Variants in MCF2 observed in about 807,000 individuals in gnomAD.
MCF2 encodes the protein MCF.2 cell line derived transforming sequence, also known as proto-oncogene DBL.
Under a neutral mutation model 82.5 loss-of-function variants are expected in MCF2, and 44 were observed. The ratio of observed to expected loss-of-function variants is 0.53; its 90% confidence interval spans 0.42 to 0.69. The LOEUF (loss-of-function observed/expected upper bound fraction) is 0.69, where lower values mean the gene tolerates loss of function less well. Among genes scored for constraint, MCF2 ranks in the 30% least tolerant of loss-of-function variants. The probability of loss-of-function intolerance (pLI) is 0.00; values close to 1 mark genes in which losing one functional copy is unlikely to be tolerated. For synonymous variants in MCF2, 217 were observed against 224.9 expected, an observed-to-expected ratio of 0.96 and a Z score of 0.32; for missense variants, 623 against 663.1, an observed-to-expected ratio of 0.94 and a Z score of 0.66.
At chrX:139,633,647 G>A (rs1267720490) in intron 1 of MCF2, among the ~76,000 whole-genome samples, 9 of 110,955 alleles carry the variant, frequency 8.1e-5, no homozygotes, top group Non-Finnish European at 1.5e-4. Flanking sequence ...CATCAGAAAG[G>A]ATCATGGGTT....
chrX:139,598,660 A>G (rs17002168), intron 16 of MCF2, among the ~76,000 whole-genome samples, 162 bp from the exon 21 acceptor site: 1,825 of 112,043 alleles, frequency 0.016, 32 homozygotes, highest in African/African-American at 0.056. Context: ...AAGACACAAT[A>G]TATCTGAAAA....
chrX:139,695,722 C>A (rs754061047), intron 1 of MCF2, among the ~76,000 whole-genome samples: 2 of 112,065 alleles, frequency 1.8e-5, no homozygotes, highest in Admixed American at 1.9e-4. Flanking sequence ...TTCATCCTAC[C>A]TTTCTCAAGC....
chrX:139,607,228 C>T (rs1931104006), intron 12 of MCF2: 1 of 110,831 alleles, frequency 9.0e-6, no homozygotes, highest in Non-Finnish European at 1.9e-5. Context: ...AATATATACA[C>T]ATATCAAAGC....
chrX:139,641,411 T>C (rs1296483414), intron 1 of MCF2, among the ~76,000 whole-genome samples: 1 of 110,771 alleles, frequency 9.0e-6, no homozygotes, highest in Non-Finnish European at 1.9e-5. Context: ...AAGCCAACTA[T>C]AGTTTTTAAA....
chrX:139,619,831 T>C, intron 6 of MCF2, 125 bp from the exon 10 acceptor site: 1 of 471,066 alleles, frequency 2.1e-6, no homozygotes, highest in Non-Finnish European at 3.4e-6. Flanking sequence ...AAAATTTGGT[T>C]ATTTTATTCA....
chrX:139,706,872 A>G (rs901455171), intron 1 of MCF2, among the ~76,000 whole-genome samples: 12 of 110,151 alleles, frequency 1.1e-4, no homozygotes, highest in Non-Finnish European at 2.3e-4. Flanking sequence ...AGGTTGTCTA[A>G]GATATTTTCA....
intron 1 of MCF2, among the ~76,000 whole-genome samples, chrX:139,683,507 C>T (rs764353691): frequency 2.7e-5 from 3 of 111,834 alleles, no homozygotes; most frequent in Non-Finnish European, 5.6e-5. Flanking sequence ...TATGGATACG[C>T]AAGGGACCTG....
intron 4 of MCF2, among the ~76,000 whole-genome samples, chrX:139,627,118 G>A (rs1056678400): frequency 9.0e-6 from 1 of 111,528 alleles, no homozygotes; most frequent in African/African-American, 3.3e-5. Flanking sequence ...CTTTTTTAGA[G>A]ATGGGATCTT....
Position 139,599,505 on chromosome X carries a change from G to A in MCF2, c.1837-1007C>T, listed in dbSNP as rs113611113. 4.5e-3 allele frequency among the ~76,000 whole-genome samples: 498 copies of A among 110,317 alleles called. 5 individuals are homozygous for A. The highest frequency in any genetic ancestry group is 0.016 in the African/African-American group (474 of 30,408). On this transcript the variant is annotated intron_variant, in intron 16 of 24. Coordinates refer to ENST00000370576, the Ensembl canonical transcript of MCF2. ...TCAAGTTGGTGGAGGAAAAAGCCAA[G>A]GAACAACTCAATTTATGTTATAAAC...
chrX:139,683,982 G>A (rs1395674148), intron 1 of MCF2, among the ~76,000 whole-genome samples: 2 of 112,332 alleles, frequency 1.8e-5, no homozygotes, highest in Admixed American at 9.4e-5. Context: ...AGATACATTC[G>A]ACCTTCTCAA....
At chrX:139,609,548 CAA>C (rs1242518397) in intron 11 of MCF2, among the ~76,000 whole-genome samples, 3 of 95,647 alleles carry the variant, frequency 3.1e-5, no homozygotes, top group African/African-American at 7.7e-5. Context: ...GACCCTGTCT[CAA>C]AAAAAAAAAG....
chrX:139,611,507 C>T (rs192368759), intron 10 of MCF2, among the ~76,000 whole-genome samples: 14 of 111,844 alleles, frequency 1.3e-4, no homozygotes, highest in Admixed American at 7.6e-4. Flanking sequence ...TTTGCAAATA[C>T]GTTAAGAGAT....
chrX:139,673,284 T>A (rs1029572290), intron 1 of MCF2, among the ~76,000 whole-genome samples: 8 of 111,972 alleles, frequency 7.1e-5, no homozygotes, highest in Non-Finnish European at 1.3e-4. Context: ...TTCATTGATT[T>A]TTTTGAAGGG....
rs147389587 is a variant in MCF2, at chrX:139,601,478, C to T, written c.1836+928G>A. 5.6e-3 allele frequency among the ~76,000 whole-genome samples: 623 copies of T among 111,503 alleles called. 4 individuals are homozygous for T. Among genetic ancestry groups the T allele is most frequent in the African/African-American group, 0.019 (569 of 30,749 alleles). ...AAATTCTGAGTATAATTATTTCTTA[C>T]CTAGAATTCTATACACAGCCAAACT... is the stretch of plus-strand genomic sequence containing the variant. On this transcript the variant is annotated intron_variant, in intron 16 of 24. Transcript: ENST00000370576.
intron 1 of MCF2, among the ~76,000 whole-genome samples, chrX:139,694,523 G>T (rs181724034): frequency 9.0e-6 from 1 of 110,730 alleles, no homozygotes; most frequent in Admixed American, 9.6e-5. Context: ...CAATAGAATA[G>T]AACTGTGAAT....
chrX:139,686,444 C>T (rs777963568), intron 1 of MCF2, among the ~76,000 whole-genome samples: 2 of 110,141 alleles, frequency 1.8e-5, no homozygotes, highest in South Asian at 4.0e-4. Context: ...ATCATTTGAG[C>T]GTGGGAGGCG....
chrX:139,648,432 C>T (rs1326768444), intron 2 of MCF2, among the ~76,000 whole-genome samples: 1 of 109,736 alleles, frequency 9.1e-6, no homozygotes, highest in Non-Finnish European at 1.9e-5. Context: ...CACAACAATA[C>T]TCAACGCAAA....
At position 139,619,607 on chromosome X, in the gene MCF2, T is replaced by C. The variant is rs765331695; in HGVS notation, c.787A>G (p.Asn263Asp). The C allele has an allele frequency of 8.7e-6, 10 of 1,150,085 alleles. No individual in the cohort carries two copies. The East Asian group carries it at 2.7e-4, about 31-fold the overall frequency. The allele number at this position is 1,150,085 out of a possible 1,213,427, so 94.8% of individuals were successfully genotyped here. A position where few individuals can be genotyped will look rare whatever the true frequency, so the allele number is the denominator to read the frequency against. The change falls in exon 7 of 25, where the codon AAC becomes GAC. Residue 263 changes from asparagine to aspartate, a missense_variant. By Grantham distance (23) the Asn-to-Asp change is conservative (BLOSUM62 1). Transcript: ENST00000370576. ...CTTACCTGAGAATTTTCATCTAAGT[T>C]TTCCAATTTTTTTATTTTTTGTTTT...
At chrX:139,700,302 C>A (rs947532094) in intron 1 of MCF2, among the ~76,000 whole-genome samples, 1 of 111,222 alleles carries the variant, frequency 9.0e-6, no homozygotes, top group Admixed American at 9.6e-5. Flanking sequence ...AGGAGCCTAC[C>A]CCTCCTGTGA....
Sources: gnomAD v4.1 joint callset for allele counts (sites outside exome capture counted in the v4.1 genomes callset) on GRCh38, gnomAD v4.1.1 for gene constraint, MANE v1.5 for transcripts, NCBI Gene and HGNC (gene_info 2026-07-23, HGNC 2026-07-21) for gene names.